Variants in BANK1 observed in about 807,000 individuals in gnomAD.
The protein encoded by BANK1 is B cell scaffold protein with ankyrin repeats 1, also known as B-cell scaffold protein with ankyrin repeats.
A neutral mutation model predicts 94.5 loss-of-function variants in BANK1; 95 were observed. The ratio of observed to expected loss-of-function variants is 1.00; its 90% CI spans 0.85 to 1.19. The LOEUF (loss-of-function observed/expected upper bound fraction) is 1.19, where lower values mean the gene tolerates loss of function less well. BANK1 is among the 50% of genes most tolerant of loss of function. The pLI, the probability that BANK1 is intolerant of heterozygous loss-of-function variation, is 0.00. For synonymous variants in BANK1, 334 were observed against 308.4 expected, an observed-to-expected ratio of 1.08 and a Z score of -0.87; for missense variants, 987 against 932.2, an observed-to-expected ratio of 1.06 and a Z score of -0.77.
chr4:101,929,017 A>C (rs1578403875), intron 7 of BANK1, among the ~76,000 whole-genome samples: 1 of 151,686 alleles, frequency 6.6e-6, no homozygotes, highest in Admixed American at 6.6e-5. Flanking sequence ...ATGGCTACTC[A>C]TAACAACCTG....
chr4:101,907,536 T>C (rs1324190605), intron 6 of BANK1, among the ~76,000 whole-genome samples: 1 of 152,156 alleles, frequency 6.6e-6, no homozygotes, highest in East Asian at 1.9e-4. Flanking sequence ...TTCAACATAG[T>C]GTTGGAAGTT....
In BANK1 at chr4:102,030,256, A is replaced by G. The variant is rs1464418723; in HGVS notation, c.1891A>G (p.Ile631Val). 12 of 1,577,636 alleles carry G rather than the reference A, an allele frequency of 7.6e-6. No homozygotes were observed. The highest frequency in any genetic ancestry group is 2.0e-5 in the Admixed American group (1 of 49,132). The change falls in exon 10 of 17, where the codon ATA (isoleucine) becomes GTA (valine). Residue 631 changes from isoleucine (I) to valine (V), a missense_variant. Ile to Val is a conservative substitution (Grantham distance 29). Transcript: ENST00000322953. ...TCCAAAAGAGGAAACTACACCTTAC[A>G]TAGCTCAAGGTAATTATCATTGTTG... The part of the protein sequence containing the change: ...IPPKEETTPY[I>V]AQVFQQKTAR...
rs79055843 is a variant in BANK1 at position 101,845,147 on chromosome 4, A to G, written c.470-9888A>G. 6.0e-3 allele frequency among the ~76,000 whole-genome samples: 907 copies of G among 152,266 alleles called. 15 individuals carry two copies. The East Asian group carries it at 0.06, about 10-fold the overall frequency. On this transcript the variant is annotated intron_variant, in intron 2 of 16. Transcript: ENST00000322953. ...ATATGAAAATATGAAACTAAATACT[A>G]TTCCGTTCCATGATGTGATTATTAT... is the stretch of plus-strand genomic sequence containing the variant.
At chr4:102,030,389 A>C (rs1727256665) in intron 10 of BANK1, 124 bp downstream of exon 10, 1 of 969,668 alleles carries the variant, frequency 1.0e-6, no homozygotes, top group African/African-American at 1.7e-5. Context: ...TTTTTTTTCA[A>C]GTCACAGCTA....
At chr4:101,883,888 C>T (rs12644624) in intron 5 of BANK1, among the ~76,000 whole-genome samples, 13,266 of 152,204 alleles carry the variant, frequency 0.087, 853 homozygotes, top group African/African-American at 0.18. Flanking sequence ...ATCAATAACT[C>T]TTTGGAAATT....
chr4:101,901,897 A>G (rs1722299055), intron 6 of BANK1, among the ~76,000 whole-genome samples: 1 of 152,102 alleles, frequency 6.6e-6, no homozygotes, highest in East Asian at 1.9e-4. Flanking sequence ...AGTAGCCGGG[A>G]CTACAGGCGC....
chr4:101,985,791 A>G (rs527626827), intron 7 of BANK1, among the ~76,000 whole-genome samples: 1 of 152,302 alleles, frequency 6.6e-6, no homozygotes, highest in South Asian at 2.1e-4. Flanking sequence ...ATAGATTTCC[A>G]ATGTCAGATT....
At chr4:101,961,541 ATCC>A (rs1724570125) in intron 7 of BANK1, among the ~76,000 whole-genome samples, 1 of 152,086 alleles carries the variant, frequency 6.6e-6, no homozygotes, top group Non-Finnish European at 1.5e-5. Flanking sequence ...TAGAATCTTA[ATCC>A]TCCTCATTGT....
chr4:101,959,539 C>T (rs897596959), intron 7 of BANK1, among the ~76,000 whole-genome samples: 3 of 152,214 alleles, frequency 2.0e-5, no homozygotes, highest in East Asian at 1.9e-4. Context: ...ATGAAAATGC[C>T]AAGGCAAGGC....
At chr4:101,957,811 G>A (rs966447122) in intron 7 of BANK1, among the ~76,000 whole-genome samples, 6 of 143,018 alleles carry the variant, frequency 4.2e-5, no homozygotes, top group Non-Finnish European at 9.3e-5. Flanking sequence ...GTTTGTTGTT[G>A]TTGTGTTTTT....
chr4:101,813,869 G>T (rs763249325), intron 1 of BANK1: 146 of 985,366 alleles, frequency 1.5e-4, no homozygotes, highest in Non-Finnish European at 1.7e-4. Flanking sequence ...CAGGAAGAGG[G>T]TGGGGGACTA....
intron 7 of BANK1, among the ~76,000 whole-genome samples, chr4:102,015,945 A>G (rs770339269): frequency 7.2e-5 from 11 of 152,316 alleles, no homozygotes; most frequent in South Asian, 2.1e-4. Flanking sequence ...TTTGAACTTT[A>G]TAAAATAAAA....
At chr4:101,879,816 A>G (rs1202041536) in intron 5 of BANK1, among the ~76,000 whole-genome samples, 2 of 152,118 alleles carry the variant, frequency 1.3e-5, no homozygotes, top group Admixed American at 1.3e-4. Context: ...GATATATCGT[A>G]TCAACAGAAT....
chr4:101,982,818 ACCAAT>A (rs1725365200), intron 7 of BANK1, among the ~76,000 whole-genome samples: 1 of 151,914 alleles, frequency 6.6e-6, no homozygotes, highest in Admixed American at 6.6e-5. Context: ...ATGCCGCCCA[ACCAAT>A]GCATCAAGTT....
intron 2 of BANK1, among the ~76,000 whole-genome samples, chr4:101,842,853 C>A (rs1194542712): frequency 1.3e-5 from 2 of 152,196 alleles, no homozygotes; most frequent in Non-Finnish European, 2.9e-5. Flanking sequence ...TTATTTGCAC[C>A]TCTGCATTCT....
At chr4:101,943,556 G>C (rs552626407) in intron 7 of BANK1, among the ~76,000 whole-genome samples, 7 of 151,868 alleles carry the variant, frequency 4.6e-5, no homozygotes, top group Admixed American at 3.3e-4. Context: ...CTCCTAACTG[G>C]TACAGTGAAT....
intron 5 of BANK1, among the ~76,000 whole-genome samples, chr4:101,882,929 T>G (rs775657728): frequency 6.6e-6 from 1 of 152,236 alleles, no homozygotes; most frequent in Non-Finnish European, 1.5e-5. Context: ...GTATCTTCCA[T>G]CACTTTTATT....
At chr4:102,017,470 T>C (rs1726744484) in intron 7 of BANK1, among the ~76,000 whole-genome samples, 1 of 152,218 alleles carries the variant, frequency 6.6e-6, no homozygotes, top group South Asian at 2.1e-4. Context: ...AGGGGTCCTA[T>C]GGGTCACCAC....
chr4:101,896,821 T>C (rs1722096088), intron 6 of BANK1, among the ~76,000 whole-genome samples: 1 of 151,888 alleles, frequency 6.6e-6, no homozygotes. Flanking sequence ...AAAAAGGAAG[T>C]GGGATTTTAC....
Sources: allele counts gnomAD v4.1 joint callset (sites outside exome capture counted in the v4.1 genomes callset), GRCh38; gene constraint gnomAD v4.1.1; transcripts MANE v1.5; gene names NCBI Gene and HGNC (gene_info 2026-07-23, HGNC 2026-07-21).